The following SH3D19 variants were observed in gnomAD, a reference collection of about 807,000 sequenced individuals.
SH3D19 encodes the protein SH3 domain containing 19, also known as SH3 domain-containing protein 19.
Under a neutral mutation model 112.1 loss-of-function variants are expected in SH3D19, and 58 were observed. The observed-to-expected ratio is 0.52, with a 90% CI of 0.42 to 0.64. The LOEUF (loss-of-function observed/expected upper bound fraction) is 0.64, where lower values mean the gene tolerates loss of function less well. SH3D19 is among the 30% of genes least tolerant of loss of function. The pLI, the probability that SH3D19 is intolerant of heterozygous loss-of-function variation, is 0.00. For missense variants in SH3D19, 1,090 were observed against 1,263.4 expected (o/e 0.86, Z 2.08); for synonymous variants, 391 against 448.5 (o/e 0.87, Z 1.62).
intron 1 of SH3D19, among the ~76,000 whole-genome samples, chr4:151,244,381 C>T (rs6816537): frequency 0.075 from 11,400 of 152,254 alleles, 563 homozygotes; most frequent in East Asian, 0.21. Flanking sequence ...GAAAGCTTAA[C>T]ATTCAATTTA....
At chr4:151,216,694 C>G (rs1383198044) in intron 2 of SH3D19, among the ~76,000 whole-genome samples, 1 of 152,118 alleles carries the variant, frequency 6.6e-6, no homozygotes, top group African/African-American at 2.4e-5. Flanking sequence ...TAACTGCCTG[C>G]TGATAGTTTA....
intron 1 of SH3D19, among the ~76,000 whole-genome samples, chr4:151,292,941 G>A (rs1009742667): frequency 1.3e-5 from 2 of 151,876 alleles, no homozygotes; most frequent in South Asian, 4.2e-4. Flanking sequence ...CCAACATGGT[G>A]AAACCCTGTC....
At chr4:151,282,555 A>T (rs1429604146) in intron 1 of SH3D19, 1 of 830,602 alleles carries the variant, frequency 1.2e-6, no homozygotes, top group Non-Finnish European at 1.8e-6. Context: ...ATAAGTTTTT[A>T]AATAAAATAT....
chr4:151,282,231 C>T, intron 1 of SH3D19: 1 of 1,613,886 alleles, frequency 6.2e-7, no homozygotes, highest in Non-Finnish European at 8.5e-7. Context: ...TACTACGTGT[C>T]CAAAATCGTC....
chr4:151,222,743 G>A (rs1768303748), intron 2 of SH3D19, among the ~76,000 whole-genome samples: 1 of 133,746 alleles, frequency 7.5e-6, no homozygotes, highest in African/African-American at 2.7e-5. Context: ...AGTGATCTTG[G>A]CTCACTGCAA....
intron 1 of SH3D19, among the ~76,000 whole-genome samples, chr4:151,298,181 A>ATT (rs386401883): frequency 0.35 from 33,314 of 95,100 alleles, 5,941 homozygotes; most frequent in Non-Finnish European, 0.43. Flanking sequence ...AGAATAATAA[A>ATT]TTTTTTTTTT....
At chr4:151,203,006 G>A (rs1037845887) in intron 2 of SH3D19, among the ~76,000 whole-genome samples, 1 of 152,152 alleles carries the variant, frequency 6.6e-6, no homozygotes, top group African/African-American at 2.4e-5. Context: ...AGAATGCTGG[G>A]GGATTGAAGG....
intron 1 of SH3D19, among the ~76,000 whole-genome samples, chr4:151,304,845 C>T (rs532743664): frequency 1.2e-3 from 186 of 152,114 alleles, no homozygotes; most frequent in Non-Finnish European, 4.1e-4. Flanking sequence ...TCAGAATATG[C>T]ACAAAGAAGT....
At chr4:151,308,384 C>T (rs1324181708) in intron 1 of SH3D19, among the ~76,000 whole-genome samples, 1 of 152,230 alleles carries the variant, frequency 6.6e-6, no homozygotes, top group Non-Finnish European at 1.5e-5. Context: ...CAACTTTACC[C>T]TCTTTCCATT....
intron 2 of SH3D19, among the ~76,000 whole-genome samples, chr4:151,206,295 C>A (rs981794422): frequency 6.6e-6 from 1 of 152,058 alleles, no homozygotes; most frequent in Admixed American, 6.6e-5. Flanking sequence ...GAAAATCCTA[C>A]ATTAAAGAAG....
chr4:151,277,262 G>A (rs956782843), intron 1 of SH3D19: 21 of 1,445,572 alleles, frequency 1.5e-5, no homozygotes, highest in Non-Finnish European at 1.8e-5. Context: ...CAGAGGCAGA[G>A]GATTTTTACT....
At chr4:151,209,159 G>A (rs922040245) in intron 2 of SH3D19, among the ~76,000 whole-genome samples, 1 of 152,122 alleles carries the variant, frequency 6.6e-6, no homozygotes, top group African/African-American at 2.4e-5. Context: ...CAGCTCCCAA[G>A]TGGTGAAGCT....
At chr4:151,226,794 A>G (rs1769079396) in intron 1 of SH3D19, among the ~76,000 whole-genome samples, 1 of 152,198 alleles carries the variant, frequency 6.6e-6, no homozygotes, top group South Asian at 2.1e-4. Context: ...AAACCCTGCT[A>G]TAGGGTAAGA....
At chr4:151,196,631 T>C (rs995213640) in intron 2 of SH3D19, among the ~76,000 whole-genome samples, 2 of 152,002 alleles carry the variant, frequency 1.3e-5, no homozygotes, top group Non-Finnish European at 2.9e-5. Context: ...GAACATATAA[T>C]CTATTTTTCT....
chr4:151,148,229 T>C (rs1349078957), intron 10 of SH3D19, 43 bp from the exon 11 acceptor site: 1 of 1,535,800 alleles, frequency 6.5e-7, no homozygotes, highest in Non-Finnish European at 8.7e-7. Context: ...TTTTGATCAG[T>C]ATTAAATTCT....
chr4:151,287,129 T>G (rs1449372953), intron 1 of SH3D19, among the ~76,000 whole-genome samples: 3 of 151,558 alleles, frequency 2.0e-5, no homozygotes, highest in Non-Finnish European at 4.4e-5. Flanking sequence ...TCACCTGATG[T>G]CAGGAGTTTG....
chr4:151,309,595 A>G (rs548788285), intron 1 of SH3D19, among the ~76,000 whole-genome samples: 11 of 152,240 alleles, frequency 7.2e-5, no homozygotes, highest in Non-Finnish European at 1.5e-4. Context: ...CAAACACCCA[A>G]TGGGTACACG....
At chr4:151,234,282 T>C (rs778685438) in intron 1 of SH3D19, among the ~76,000 whole-genome samples, 1 of 152,270 alleles carries the variant, frequency 6.6e-6, no homozygotes, top group Non-Finnish European at 1.5e-5. Flanking sequence ...TCATTCTGAT[T>C]GTTGAATTCA....
rs199937732 is a variant in SH3D19, at chr4:151,231,346, A to AAT, written c.113-5262_113-5261dup. ...CTATATTTAGAGAGAGAAAACTGCA[A>AAT]ATATATATATATATTTCAAGTATAT... is the stretch of plus-strand genomic sequence containing the variant. On this transcript the variant is annotated intron_variant, in intron 1 of 19. Transcript: ENST00000604030. Among the ~76,000 whole-genome samples, 435 of 151,830 alleles carry AAT rather than the reference A, an allele frequency of 2.9e-3. 3 individuals carry two copies. The highest frequency in any genetic ancestry group is 4.4e-3 in the Non-Finnish European group (301 of 67,916).
Sources: gnomAD v4.1 joint callset for allele counts (sites outside exome capture counted in the v4.1 genomes callset) on GRCh38, gnomAD v4.1.1 for gene constraint, MANE v1.5 for transcripts, NCBI Gene and HGNC (gene_info 2026-07-23, HGNC 2026-07-21) for gene names.